The following CNTNAP2 variants were observed in gnomAD, a reference collection of about 807,000 sequenced individuals.
The protein encoded by CNTNAP2 is contactin associated protein 2.
Under a neutral mutation model 155.2 loss-of-function variants are expected in CNTNAP2, and 98 were observed. The ratio of observed to expected loss-of-function variants is 0.63; its 90% CI spans 0.54 to 0.75. The LOEUF (loss-of-function observed/expected upper bound fraction) is 0.75, where lower values mean the gene tolerates loss of function less well. Among genes scored for constraint, CNTNAP2 ranks in the 30% least tolerant of loss-of-function variants. The probability of loss-of-function intolerance (pLI) is 0.00; values close to 1 mark genes in which losing one functional copy is unlikely to be tolerated. For missense variants in CNTNAP2, 1,727 were observed against 1,688.1 expected (o/e 1.02, Z -0.40); for synonymous variants, 651 against 631.2 (o/e 1.03, Z -0.47).
chr7:147,156,674 T>C (rs1429302367), intron 8 of CNTNAP2, among the ~76,000 whole-genome samples: 1 of 152,184 alleles, frequency 6.6e-6, no homozygotes, highest in Non-Finnish European at 1.5e-5. Context: ...AACAAGGATA[T>C]GTCAAGGACT....
intron 1 of CNTNAP2, among the ~76,000 whole-genome samples, chr7:146,357,242 A>T: frequency 6.6e-6 from 1 of 151,862 alleles, no homozygotes. Flanking sequence ...CAAAAAAAAA[A>T]AAAAAAAAAG....
intron 1 of CNTNAP2, among the ~76,000 whole-genome samples, chr7:146,347,530 T>TC (rs1267208339): frequency 6.6e-6 from 1 of 152,184 alleles, no homozygotes; most frequent in Admixed American, 6.5e-5. Flanking sequence ...AAGTTATTTT[T>TC]CTCTGTTAAA....
intron 1 of CNTNAP2, among the ~76,000 whole-genome samples, chr7:146,549,422 C>G (rs1368768167): frequency 6.6e-6 from 1 of 151,758 alleles, no homozygotes; most frequent in African/African-American, 2.4e-5. Flanking sequence ...AATATCTGTA[C>G]TGTAAGGAAA....
chr7:147,120,173 A>T (rs1801074069), intron 5 of CNTNAP2, among the ~76,000 whole-genome samples: 1 of 152,232 alleles, frequency 6.6e-6, no homozygotes, highest in Non-Finnish European at 1.5e-5. Flanking sequence ...AATGAAAATT[A>T]AAAATGGTCT....
At chr7:146,736,350 A>T (rs1363667490) in intron 1 of CNTNAP2, among the ~76,000 whole-genome samples, 1 of 152,152 alleles carries the variant, frequency 6.6e-6, no homozygotes, top group African/African-American at 2.4e-5. Context: ...ACAATGGGAA[A>T]AAAAGACTCA....
At chr7:147,372,964 C>G (rs1486668502) in intron 9 of CNTNAP2, among the ~76,000 whole-genome samples, 2 of 151,982 alleles carry the variant, frequency 1.3e-5, no homozygotes, top group Non-Finnish European at 2.9e-5. Flanking sequence ...CTTTGCTGAC[C>G]AAGCCCCTGT....
intron 13 of CNTNAP2, among the ~76,000 whole-genome samples, chr7:147,676,922 T>C (rs1186206876): frequency 6.6e-6 from 1 of 151,958 alleles, no homozygotes; most frequent in Non-Finnish European, 1.5e-5. Context: ...CATCAATGGA[T>C]ACTTAGATTG....
At chr7:146,146,113 T>C (rs1338300409) in intron 1 of CNTNAP2, among the ~76,000 whole-genome samples, 1 of 152,192 alleles carries the variant, frequency 6.6e-6, no homozygotes, top group Non-Finnish European at 1.5e-5. Flanking sequence ...TTGAAAGAAA[T>C]GTATAACATA....
At chr7:148,114,321 C>G (rs917325406) in intron 15 of CNTNAP2, among the ~76,000 whole-genome samples, 1 of 152,084 alleles carries the variant, frequency 6.6e-6, no homozygotes, top group Non-Finnish European at 1.5e-5. Context: ...CTTTAACACC[C>G]AGGTTACCAA....
At chr7:147,915,561 T>A (rs893968184) in intron 14 of CNTNAP2, among the ~76,000 whole-genome samples, 1 of 152,114 alleles carries the variant, frequency 6.6e-6, no homozygotes, top group African/African-American at 2.4e-5. Flanking sequence ...TGTCTGTGTG[T>A]GTGTGTATAA....
At chr7:147,360,133 T>A (rs1444328303) in intron 9 of CNTNAP2, among the ~76,000 whole-genome samples, 2 of 152,132 alleles carry the variant, frequency 1.3e-5, no homozygotes, top group African/African-American at 2.4e-5. Context: ...ATTCAAAACA[T>A]CTTGTTTATG....
chr7:146,815,120 A>G (rs1257996828), intron 2 of CNTNAP2, among the ~76,000 whole-genome samples: 1 of 152,150 alleles, frequency 6.6e-6, no homozygotes, highest in African/African-American at 2.4e-5. Flanking sequence ...AATGCTTTTC[A>G]CCATGAATTA....
intron 21 of CNTNAP2, among the ~76,000 whole-genome samples, chr7:148,316,270 A>C (rs151115199): frequency 0.016 from 2,454 of 152,260 alleles, 57 homozygotes; most frequent in African/African-American, 0.056. Context: ...GCACACCAAC[A>C]TAGCACATGT....
chr7:146,377,310 C>G (rs1795317193), intron 1 of CNTNAP2, among the ~76,000 whole-genome samples: 1 of 152,144 alleles, frequency 6.6e-6, no homozygotes, highest in Non-Finnish European at 1.5e-5. Context: ...GTTCCACATG[C>G]TTCTCGTTTT....
chr7:146,316,396 A>T (rs1177033173), intron 1 of CNTNAP2, among the ~76,000 whole-genome samples: 2 of 152,092 alleles, frequency 1.3e-5, no homozygotes, highest in Non-Finnish European at 2.9e-5. Context: ...CAAATGCTGA[A>T]CCCTGCAGTC....
rs559340422 is a variant in CNTNAP2, at chr7:147,155,068, C to T, written c.1348+22559C>T. Among the ~76,000 whole-genome samples the T allele has an allele frequency of 7.2e-5, 11 of 152,240 alleles. No homozygotes were observed. In the South Asian group the frequency reaches 2.1e-3, roughly 29 times the overall value. ...GGTCTGAATGTTTCTCCCCACCACT[C>T]CCGCTCCCTGCCAAAAGTCATGTTG... On this transcript the variant is annotated intron_variant, in intron 8 of 23. Transcript: ENST00000361727.
intron 13 of CNTNAP2, among the ~76,000 whole-genome samples, chr7:147,784,734 T>C (rs1355351467): frequency 6.6e-6 from 1 of 151,040 alleles, no homozygotes; most frequent in Admixed American, 6.6e-5. Context: ...TATATGCTGA[T>C]TGCAATGTTA....
intron 10 of CNTNAP2, among the ~76,000 whole-genome samples, chr7:147,474,931 TC>T (rs1798289143): frequency 6.6e-6 from 1 of 152,108 alleles, no homozygotes; most frequent in Non-Finnish European, 1.5e-5. Flanking sequence ...CACAATCAAT[TC>T]ACTATTCACA....
rs1179996538 is a variant in CNTNAP2 at position 147,374,513 on chromosome 7, G to A, written c.1499-21096G>A. Among the ~76,000 whole-genome samples, 4 of 152,118 alleles carry A rather than the reference G, an allele frequency of 2.6e-5. No individual in the cohort carries two copies. The East Asian group carries it at 5.8e-4, about 22-fold the overall frequency. ...AGGCTTCTGAATCATTTATCCATATGGTTACATAGTCTAGGTTATCAATGC... is the reference window on the plus strand; with the variant it reads ...AGGCTTCTGAATCATTTATCCATATAGTTACATAGTCTAGGTTATCAATGC... On this transcript the variant is annotated intron_variant, in intron 9 of 23. Transcript: ENST00000361727.
Sources: allele counts gnomAD v4.1 joint callset (sites outside exome capture counted in the v4.1 genomes callset), GRCh38; gene constraint gnomAD v4.1.1; transcripts MANE v1.5; gene names NCBI Gene and HGNC (gene_info 2026-07-23, HGNC 2026-07-21).